The following NRXN1 variants were observed in gnomAD, a reference collection of about 807,000 sequenced individuals.
NRXN1 encodes neurexin-1.
In NRXN1, 39 loss-of-function variants were observed where a neutral mutation model predicts 150.9. The observed-to-expected ratio is 0.26, with a 90% CI of 0.20 to 0.34. NRXN1 has a LOEUF of 0.34. NRXN1 is among the 10% of genes least tolerant of loss of function. The pLI, the probability that NRXN1 is intolerant of heterozygous loss-of-function variation, is 1.00. For synonymous variants in NRXN1, 924 were observed against 757.0 expected (o/e 1.22, Z -3.62); for missense variants, 1,815 against 1,949.9 (o/e 0.93, Z 1.30).
intron 18 of NRXN1, among the ~76,000 whole-genome samples, chr2:50,190,916 ACCT>A (rs920194738): frequency 5.3e-5 from 8 of 151,940 alleles, no homozygotes; most frequent in Admixed American, 5.2e-4. Context: ...CCCGGCCTAC[ACCT>A]CCTAACATTT....
At chr2:50,468,048 T>C (rs1370380364) in intron 16 of NRXN1, among the ~76,000 whole-genome samples, 1 of 151,588 alleles carries the variant, frequency 6.6e-6, no homozygotes, top group East Asian at 1.9e-4. Flanking sequence ...TTTCTTCCAG[T>C]GTTAAGCAAA....
chr2:50,845,386 T>C (rs572442717), intron 5 of NRXN1, among the ~76,000 whole-genome samples: 1 of 152,332 alleles, frequency 6.6e-6, no homozygotes, highest in African/African-American at 2.4e-5. Context: ...ATCTGGTAGA[T>C]GTTATCGTCT....
chr2:50,036,771 A>G (rs1690108730), intron 21 of NRXN1, among the ~76,000 whole-genome samples: 1 of 152,068 alleles, frequency 6.6e-6, no homozygotes, highest in African/African-American at 2.4e-5. Context: ...GCAAAATTCC[A>G]TTTTCACTCA....
At chr2:50,601,027 C>T (rs960778336) in intron 8 of NRXN1, among the ~76,000 whole-genome samples, 3 of 151,678 alleles carry the variant, frequency 2.0e-5, no homozygotes, top group African/African-American at 7.3e-5. Flanking sequence ...AGTTGAAGAT[C>T]TTAGTGAATT....
At chr2:50,606,676 A>T (rs1677182934) in intron 8 of NRXN1, among the ~76,000 whole-genome samples, 1 of 151,850 alleles carries the variant, frequency 6.6e-6, no homozygotes, top group East Asian at 1.9e-4. Flanking sequence ...ATTTGGCTAG[A>T]TGACATAGTT....
At chr2:50,688,686 A>G (rs892866461) in intron 5 of NRXN1, among the ~76,000 whole-genome samples, 11 of 152,198 alleles carry the variant, frequency 7.2e-5, no homozygotes, top group African/African-American at 2.4e-4. Flanking sequence ...GACAATGGGC[A>G]TTTTTTGTTG....
chr2:50,920,621 A>G (rs947085840), intron 5 of NRXN1, among the ~76,000 whole-genome samples: 5 of 151,766 alleles, frequency 3.3e-5, no homozygotes, highest in Admixed American at 6.6e-5. Context: ...ATGATGAGAA[A>G]TGCCCACTTA....
At chr2:50,251,013 A>AATG (rs367722262) in intron 17 of NRXN1, among the ~76,000 whole-genome samples, 1 of 148,044 alleles carries the variant, frequency 6.8e-6, no homozygotes, top group African/African-American at 2.5e-5. Flanking sequence ...CATATGTGTA[A>AATG]TATTACATAT....
At chr2:50,600,297 C>T (rs935635266) in intron 8 of NRXN1, among the ~76,000 whole-genome samples, 2 of 146,622 alleles carry the variant, frequency 1.4e-5, no homozygotes, top group East Asian at 2.0e-4. Flanking sequence ...AGAAAAATTT[C>T]TAGGTAAAAG....
chr2:50,836,875 T>C (rs1672191566), intron 5 of NRXN1, among the ~76,000 whole-genome samples: 1 of 148,186 alleles, frequency 6.7e-6, no homozygotes, highest in African/African-American at 2.5e-5. Flanking sequence ...CAAATATGAC[T>C]GTGGCAGCAT....
At chr2:50,500,376 A>G (rs114452675) in intron 13 of NRXN1, among the ~76,000 whole-genome samples, 1,647 of 152,274 alleles carry the variant, frequency 0.011, 32 homozygotes, top group African/African-American at 0.036. Flanking sequence ...CAGTGATGGT[A>G]GATATATTTG....
intron 5 of NRXN1, among the ~76,000 whole-genome samples, chr2:50,711,703 G>C (rs1281633864): frequency 6.6e-6 from 1 of 152,056 alleles, no homozygotes; most frequent in Non-Finnish European, 1.5e-5. Context: ...TCATGCATTA[G>C]AAACTTAACC....
chr2:50,261,385 A>C (rs1274453357), intron 17 of NRXN1, among the ~76,000 whole-genome samples: 1 of 151,842 alleles, frequency 6.6e-6, no homozygotes, highest in African/African-American at 2.4e-5. Context: ...CCTGGAGTTA[A>C]ATTGAAAGGT....
At chr2:50,769,940 C>T (rs1053872144) in intron 5 of NRXN1, among the ~76,000 whole-genome samples, 2 of 152,112 alleles carry the variant, frequency 1.3e-5, no homozygotes, top group Non-Finnish European at 2.9e-5. Flanking sequence ...ATTGTACTGT[C>T]TGCCATGGGG....
At chr2:50,477,031 A>C (rs1332647204) in intron 15 of NRXN1, among the ~76,000 whole-genome samples, 1 of 152,168 alleles carries the variant, frequency 6.6e-6, no homozygotes, top group Admixed American at 6.5e-5. Context: ...ACAAGAAGAA[A>C]GTATGGGAGA....
At chr2:50,832,999 G>A (rs66598691) in intron 5 of NRXN1, among the ~76,000 whole-genome samples, 11,625 of 152,102 alleles carry the variant, frequency 0.076, 509 homozygotes, top group Admixed American at 0.082. Context: ...CAATTTAAAA[G>A]TGGACAAAAT....
At chr2:50,665,299 G>T (rs1687869358) in intron 5 of NRXN1, among the ~76,000 whole-genome samples, 1 of 151,898 alleles carries the variant, frequency 6.6e-6, no homozygotes, top group African/African-American at 2.4e-5. Flanking sequence ...TACTCTGTTT[G>T]AATAGCTGTG....
At chr2:50,568,087 T>G (rs1284786338) in intron 8 of NRXN1, among the ~76,000 whole-genome samples, 1 of 152,158 alleles carries the variant, frequency 6.6e-6, no homozygotes, top group Non-Finnish European at 1.5e-5. Flanking sequence ...TGCTTGTTCC[T>G]AACCATATTA....
intron 17 of NRXN1, among the ~76,000 whole-genome samples, chr2:50,395,215 T>C (rs1200974618): frequency 6.6e-6 from 1 of 151,746 alleles, no homozygotes; most frequent in Non-Finnish European, 1.5e-5. Flanking sequence ...TGACATATAG[T>C]TGACACTCAA....
Sources: gnomAD v4.1 joint callset for allele counts (sites outside exome capture counted in the v4.1 genomes callset) on GRCh38, gnomAD v4.1.1 for gene constraint, MANE v1.5 for transcripts, NCBI Gene and HGNC (gene_info 2026-07-23, HGNC 2026-07-21) for gene names.